The following CYP7B1 variants were observed in gnomAD, a reference collection of about 807,000 sequenced individuals.
The protein encoded by CYP7B1 is cytochrome P450 7B1.
A neutral mutation model predicts 42.7 loss-of-function variants in CYP7B1; 29 were observed. The observed-to-expected ratio is 0.68, with a 90% CI of 0.51 to 0.93. The LOEUF (loss-of-function observed/expected upper bound fraction) is 0.93. CYP7B1 is among the 40% of genes least tolerant of loss of function. The pLI is 0.00. For missense variants in CYP7B1, 655 were observed against 600.5 expected (o/e 1.09, Z -0.95); for synonymous variants, 235 against 218.2 (o/e 1.08, Z -0.68).
intron 1 of CYP7B1, among the ~76,000 whole-genome samples, chr8:64,714,740 T>C (rs1167331757): frequency 6.6e-6 from 1 of 152,202 alleles, no homozygotes; most frequent in African/African-American, 2.4e-5. Context: ...GTCCCCATCA[T>C]CTACTCTCAG....
chr8:64,777,220 G>T (rs1262700361), intron 1 of CYP7B1, among the ~76,000 whole-genome samples: 2 of 150,948 alleles, frequency 1.3e-5, no homozygotes, highest in Non-Finnish European at 3.0e-5. Context: ...AATACAAAAG[G>T]TGAGTAAGCA....
intron 1 of CYP7B1, among the ~76,000 whole-genome samples, chr8:64,783,933 T>C (rs1414020653): frequency 6.6e-6 from 1 of 152,228 alleles, no homozygotes; most frequent in Non-Finnish European, 1.5e-5. Flanking sequence ...AGAACAATTT[T>C]AAGTCTGTTC....
intron 1 of CYP7B1, among the ~76,000 whole-genome samples, chr8:64,785,418 G>T (rs768992108): frequency 3.3e-5 from 5 of 152,170 alleles, no homozygotes; most frequent in Non-Finnish European, 7.4e-5. Flanking sequence ...AATATTTTTA[G>T]CACCTTTATT....
At chr8:64,747,423 C>T (rs2129633417) in intron 1 of CYP7B1, among the ~76,000 whole-genome samples, 1 of 151,338 alleles carries the variant, frequency 6.6e-6, no homozygotes, top group Non-Finnish European at 1.5e-5. Flanking sequence ...AAAAACTTAA[C>T]TAATAGCATA....
At chr8:64,781,486 CTG>C (rs1228696441) in intron 1 of CYP7B1, among the ~76,000 whole-genome samples, 1 of 152,056 alleles carries the variant, frequency 6.6e-6, no homozygotes, top group Non-Finnish European at 1.5e-5. Flanking sequence ...AGGGAAAAAT[CTG>C]TTTCTTTGCC....
intron 1 of CYP7B1, among the ~76,000 whole-genome samples, chr8:64,703,353 A>G (rs1184911627): frequency 6.6e-6 from 1 of 152,074 alleles, no homozygotes; most frequent in Non-Finnish European, 1.5e-5. Context: ...GAAGCACAGC[A>G]TAACCCCTTA....
rs8192895 is a variant in CYP7B1 at position 64,624,547 on chromosome 8, G to GAA, written c.123-10_123-9dup. 7 of 1,244,674 alleles carry GAA rather than the reference G, an allele frequency of 5.6e-6. No homozygotes were observed. Among genetic ancestry groups the GAA allele is most frequent in the Admixed American group, 2.1e-5 (1 of 48,650 alleles). The allele number at this position is 1,244,674 out of a possible 1,614,324, so 77.1% of individuals were successfully genotyped here. ...GGAGGCTCACCGGGTCTCCTACAAG[G>GAA]AAAAAAAAAAAGATAAAAGAACAAA... On this transcript the variant is annotated splice_polypyrimidine_tract_variant and intron_variant, in intron 1 of 5. Transcript: ENST00000310193.
At chr8:64,638,189 T>C (rs1805801978) in intron 1 of CYP7B1, among the ~76,000 whole-genome samples, 1 of 152,144 alleles carries the variant, frequency 6.6e-6, no homozygotes, top group Non-Finnish European at 1.5e-5. Flanking sequence ...TTTCAGTTTT[T>C]AAAGTTATGC....
chr8:64,768,322 T>C (rs1804146077), intron 1 of CYP7B1, among the ~76,000 whole-genome samples: 2 of 151,882 alleles, frequency 1.3e-5, no homozygotes, highest in African/African-American at 4.8e-5. Context: ...TCCCATTGTA[T>C]GGGATCTCTG....
At chr8:64,739,371 G>A (rs1807536314) in intron 1 of CYP7B1, among the ~76,000 whole-genome samples, 1 of 152,202 alleles carries the variant, frequency 6.6e-6, no homozygotes, top group Non-Finnish European at 1.5e-5. Context: ...CTCTATTTAA[G>A]GAAGAATTCC....
At chr8:64,665,160 G>T (rs944354697) in intron 1 of CYP7B1, among the ~76,000 whole-genome samples, 3 of 152,156 alleles carry the variant, frequency 2.0e-5, no homozygotes, top group Admixed American at 1.3e-4. Context: ...ACCAGGTCAG[G>T]TTCTGTATGC....
chr8:64,663,365 G>C (rs1806227698), intron 1 of CYP7B1, among the ~76,000 whole-genome samples: 1 of 152,104 alleles, frequency 6.6e-6, no homozygotes, highest in South Asian at 2.1e-4. Context: ...ACACTTAAAT[G>C]TTTTAAAAAA....
chr8:64,758,122 C>T (rs1396046971), intron 1 of CYP7B1, among the ~76,000 whole-genome samples: 3 of 152,114 alleles, frequency 2.0e-5, no homozygotes, highest in Admixed American at 6.6e-5. Context: ...GCTAAGATAC[C>T]ACCTATTCCT....
At chr8:64,597,382 T>A (rs1805134979) in intron 5 of CYP7B1, among the ~76,000 whole-genome samples, 3 of 152,230 alleles carry the variant, frequency 2.0e-5, no homozygotes, top group Admixed American at 6.5e-5. Flanking sequence ...GAGTTTCTCT[T>A]ATCCCTTCCC....
rs191040146 is a variant in CYP7B1 at position 64,648,390 on chromosome 8, C to G, written c.123-23851G>C. ...ATATGGTTGTTAAAGAGAAATACAA[C>G]GCTATTTAATGATGGTACCTGTCCT... On this transcript the variant is annotated intron_variant, in intron 1 of 5. Transcript: ENST00000310193. Among the ~76,000 whole-genome samples, 257 of 152,268 alleles carry G rather than the reference C, an allele frequency of 1.7e-3. 4 individuals are homozygous for G. The highest frequency in any genetic ancestry group is 0.017 in the Admixed American group (254 of 15,284).
At chr8:64,706,000 A>C (rs1388801010) in intron 1 of CYP7B1, among the ~76,000 whole-genome samples, 6 of 152,078 alleles carry the variant, frequency 3.9e-5, no homozygotes, top group African/African-American at 1.4e-4. Context: ...ATTTTAACCA[A>C]GAAGGTCTAA....
intron 1 of CYP7B1, among the ~76,000 whole-genome samples, chr8:64,780,081 T>G (rs1452888975): frequency 6.6e-6 from 1 of 152,204 alleles, no homozygotes; most frequent in Non-Finnish European, 1.5e-5. Flanking sequence ...GTTCTCCATT[T>G]ATAAAATATT....
chr8:64,727,130 C>A (rs915267777), intron 1 of CYP7B1, among the ~76,000 whole-genome samples: 2 of 152,164 alleles, frequency 1.3e-5, no homozygotes, highest in African/African-American at 2.4e-5. Context: ...CACTTTCTCC[C>A]TTCCCTGCTG....
intron 1 of CYP7B1, among the ~76,000 whole-genome samples, chr8:64,675,851 T>C (rs978918470): frequency 2.6e-5 from 4 of 152,152 alleles, no homozygotes; most frequent in African/African-American, 9.7e-5. Flanking sequence ...AACTTTTGTA[T>C]ATAGCTCCAA....
Sources: allele counts gnomAD v4.1 joint callset (sites outside exome capture counted in the v4.1 genomes callset), GRCh38; gene constraint gnomAD v4.1.1; transcripts MANE v1.5; gene names NCBI Gene and HGNC (gene_info 2026-07-23, HGNC 2026-07-21).